Variants in KALRN observed in about 807,000 individuals in gnomAD.
KALRN encodes the protein kalirin RhoGEF kinase.
In KALRN, 70 loss-of-function variants were observed where a neutral mutation model predicts 353.7. The observed-to-expected ratio is 0.20, with a 90% CI of 0.16 to 0.24. The LOEUF (loss-of-function observed/expected upper bound fraction) is 0.24, where lower values mean the gene tolerates loss of function less well. Among genes scored for constraint, KALRN ranks in the 10% least tolerant of loss-of-function variants. The pLI, the probability that KALRN is intolerant of heterozygous loss-of-function variation, is 1.00. For missense variants in KALRN, 2,791 were observed against 3,756.7 expected, an observed-to-expected ratio of 0.74 and a Z score of 6.72; for synonymous variants, 1,391 against 1,434.8, an observed-to-expected ratio of 0.97 and a Z score of 0.69.
At position 124,485,771 on chromosome 3, in the gene KALRN, T is replaced by C. The variant is rs1033031999; in HGVS notation, c.4285-2433T>C. Among the ~76,000 whole-genome samples, 15 of 152,012 alleles carry C rather than the reference T, an allele frequency of 9.9e-5. 1 individual carries two copies. The highest frequency in any genetic ancestry group is 3.6e-4 in the African/African-American group (15 of 41,400). On this transcript the variant is annotated intron_variant, in intron 28 of 59. Coordinates refer to ENST00000682506, the MANE Select transcript of KALRN (RefSeq NM_001388419.1). ...GGCGTGCACCTGTAGTCCCAGCTAC[T>C]TGGGAGGCTGAGACAGGAGAATTGC...
chr3:124,362,857 C>A (rs1359097545), intron 10 of KALRN, among the ~76,000 whole-genome samples: 1 of 152,106 alleles, frequency 6.6e-6, no homozygotes, highest in African/African-American at 2.4e-5. Context: ...TCTTTAGTGT[C>A]TTGGGAATTC....
chr3:124,667,082 C>A lies in KALRN; in HGVS notation c.6602C>A (p.Thr2201Asn), dbSNP rs747200936. The A allele has an allele frequency of 3.1e-6, 5 of 1,614,054 alleles. No homozygotes were observed. The African/African-American group carries it at 6.7e-5, about 22-fold the overall frequency. ...AAGTTTGCACTCATGAACAGAGAGA[C>A]TTCTGAGAGGGTTGTTCTGCAAGCC... The part of the protein sequence containing the change: ...PCKFALMNRE[T>N]SERVVLQAAN... The change falls in exon 47 of 60, where the codon ACT becomes AAT. Residue 2201 changes from threonine (T) to asparagine (N), a missense_variant. Around this residue, in one of 11 missense-constraint regions of KALRN, gnomAD observed 1,065 missense variants for 1,156.4 expected, o/e 0.92. Coordinates refer to ENST00000682506, the MANE Select transcript of KALRN (RefSeq NM_001388419.1).
intron 1 of KALRN, among the ~76,000 whole-genome samples, chr3:124,217,731 C>A (rs2077479369): frequency 6.6e-6 from 1 of 152,102 alleles, no homozygotes; most frequent in Admixed American, 6.6e-5. Flanking sequence ...CCAAGGACAG[C>A]GGCATACATG....
At chr3:124,630,355 G>A (rs183336180) in intron 34 of KALRN, among the ~76,000 whole-genome samples, 3 of 151,794 alleles carry the variant, frequency 2.0e-5, no homozygotes, top group Admixed American at 2.0e-4. Flanking sequence ...AGAACTGGGC[G>A]GGTGTAGACA....
chr3:124,495,662 G>A (rs1376829975), intron 32 of KALRN, among the ~76,000 whole-genome samples: 1 of 144,242 alleles, frequency 6.9e-6, no homozygotes, highest in Non-Finnish European at 1.5e-5. Flanking sequence ...CACTTGAGGT[G>A]AAGGTTGCAG....
chr3:124,334,513 C>G lies in KALRN; in HGVS notation c.1647+18C>G, dbSNP rs180694338. The G allele has an allele frequency of 2.0e-4, 312 of 1,578,962 alleles. No homozygotes were observed. The highest frequency in any genetic ancestry group is 7.1e-4 in the Middle Eastern group (4 of 5,624). ...TACAGCAGGTAACAGGCTCTGAGCC[C>G]CGGTGTCCATTATCCATTCTAGGAG... On this transcript the variant is annotated intron_variant, in intron 9 of 59. Coordinates refer to ENST00000682506, the MANE Select transcript of KALRN (RefSeq NM_001388419.1). This position sits in a 1 kb window ranked among gnomAD's most constrained non-coding sequence, Gnocchi z 4.2.
chr3:124,465,438 A>G (rs1208872120), intron 25 of KALRN, among the ~76,000 whole-genome samples: 4 of 152,174 alleles, frequency 2.6e-5, no homozygotes, highest in Admixed American at 2.6e-4. Context: ...ACTTATGGCT[A>G]ATACCATTCA....
chr3:124,313,171 A>G (rs905427232), intron 6 of KALRN, among the ~76,000 whole-genome samples: 1 of 152,260 alleles, frequency 6.6e-6, no homozygotes, highest in Non-Finnish European at 1.5e-5. Flanking sequence ...ACTAACATCC[A>G]GGAACTACCA....
intron 34 of KALRN, among the ~76,000 whole-genome samples, chr3:124,604,060 T>C (rs946326388): frequency 3.9e-5 from 6 of 151,942 alleles, no homozygotes; most frequent in African/African-American, 1.5e-4. Context: ...TCTGAAACAG[T>C]TGGGGTGAAA....
At position 124,347,274 on chromosome 3, in the gene KALRN, CTGTGTGTGTG is replaced by C. The variant is rs61359186; in HGVS notation, c.1770+47_1770+56del. On this transcript the variant is annotated intron_variant, in intron 10 of 59. Transcript: ENST00000682506. The stretch of plus-strand genomic sequence containing the variant: ...TTGAAGAGGTGGCTCAGGTGAGAAG[CTGTGTGTGTG>C]TGTGTGTGTGTGTGTGTGTGTGTGT... The C allele has an allele frequency of 5.0e-3, 5,756 of 1,153,206 alleles. 23 individuals are homozygous for C. Among genetic ancestry groups the C allele is most frequent in the African/African-American group, 0.016 (585 of 35,634 alleles). 71.4% of individuals were successfully genotyped at this position (1,153,206 alleles called of 1,614,324 possible). A position where few individuals can be genotyped will look rare whatever the true frequency, so the allele number is the denominator to read the frequency against.
chr3:124,071,285 C>A (rs533601317), intron 1 of KALRN, among the ~76,000 whole-genome samples: 1 of 152,150 alleles, frequency 6.6e-6, no homozygotes, highest in Admixed American at 6.5e-5. Context: ...TGAGCACTTT[C>A]CAAATGCAAT....
chr3:124,530,735 C>A (rs976582698), intron 33 of KALRN, among the ~76,000 whole-genome samples: 1 of 152,080 alleles, frequency 6.6e-6, no homozygotes, highest in Non-Finnish European at 1.5e-5. Flanking sequence ...TCCAGTAAGT[C>A]GGCTATAATT....
chr3:124,348,703 T>C (rs1324047077), intron 10 of KALRN, among the ~76,000 whole-genome samples: 2 of 152,116 alleles, frequency 1.3e-5, no homozygotes, highest in Non-Finnish European at 2.9e-5. Flanking sequence ...CTCCCTAACA[T>C]AATTGAAAGC....
At chr3:124,555,950 A>G (rs891710113) in intron 33 of KALRN, among the ~76,000 whole-genome samples, 1 of 152,304 alleles carries the variant, frequency 6.6e-6, no homozygotes, top group Non-Finnish European at 1.5e-5. Flanking sequence ...TTAGAGATTC[A>G]ATATAGAAAC....
chr3:124,475,410 C>T (rs1296268445), intron 26 of KALRN, among the ~76,000 whole-genome samples: 3 of 152,188 alleles, frequency 2.0e-5, no homozygotes, highest in Non-Finnish European at 2.9e-5. Flanking sequence ...TTCATTGGCT[C>T]TCTACTCCGC....
chr3:124,238,796 G>A (rs896128345), intron 3 of KALRN, among the ~76,000 whole-genome samples: 8 of 152,126 alleles, frequency 5.3e-5, no homozygotes, highest in African/African-American at 1.7e-4. Context: ...TGACTTATTC[G>A]TTCAGCGTCC....
intron 10 of KALRN, among the ~76,000 whole-genome samples, chr3:124,356,353 G>A (rs1330249348): frequency 8.0e-5 from 9 of 112,166 alleles, no homozygotes; most frequent in Non-Finnish European, 1.6e-4. Flanking sequence ...TTTTTTTTGA[G>A]ACAGAGTTTC....
chr3:124,347,943 GC>G lies in KALRN; in HGVS notation c.1770+681del, dbSNP rs2082443986. Among the ~76,000 whole-genome samples, 4 of 152,280 alleles carry G rather than the reference GC, an allele frequency of 2.6e-5. No homozygotes were observed. In the South Asian group the frequency reaches 8.3e-4, roughly 32 times the overall value. On this transcript the variant is annotated intron_variant, in intron 10 of 59. Transcript: ENST00000682506. ...TTTATACAAAGATGTTGTATGACAG[GC>G]CCTGACCATTTGTCTAATAGTATAA...
At chr3:124,602,213 C>A (rs2076881019) in intron 34 of KALRN, among the ~76,000 whole-genome samples, 1 of 152,014 alleles carries the variant, frequency 6.6e-6, no homozygotes, top group African/African-American at 2.4e-5. Context: ...ACATATAGAC[C>A]TTCATGTTCA....
Sources: gnomAD v4.1 joint callset for allele counts (sites outside exome capture counted in the v4.1 genomes callset) on GRCh38, gnomAD v4.1.1 for gene constraint, gnomAD v4.1.1 regional missense constraint, Gnocchi (gnomAD v3.1) non-coding constraint, MANE v1.5 for transcripts, NCBI Gene and HGNC (gene_info 2026-07-23, HGNC 2026-07-21) for gene names.